Variants in SLC47A2 observed in about 807,000 individuals in gnomAD.
The protein encoded by SLC47A2 is multidrug and toxin extrusion protein 2.
A neutral mutation model predicts 67.7 loss-of-function variants in SLC47A2; 52 were observed. That is an observed-to-expected ratio of 0.77 (90% CI 0.61 to 0.97). The LOEUF is 0.97. Ranked by LOEUF, SLC47A2 falls within the 50% of genes least tolerant of loss-of-function variation. The probability of loss-of-function intolerance (pLI) is 0.00; values close to 1 mark genes in which losing one functional copy is unlikely to be tolerated. For synonymous variants in SLC47A2, 278 were observed against 292.9 expected, an observed-to-expected ratio of 0.95 and a Z score of 0.52; for missense variants, 676 against 712.3, an observed-to-expected ratio of 0.95 and a Z score of 0.58.
rs2086016420 is a variant in SLC47A2, at chr17:19,708,746, G to A, written c.501C>T (p.Tyr167=). ...TTTGCAAATATTTTGCCAGCAGATTGTAAAGAAAAATCACCTGTATGAAAA... is the reference window on the plus strand; with the variant it reads ...TTTGCAAATATTTTGCCAGCAGATTATAAAGAAAAATCACCTGTATGAAAA... ...FIPGLPVIFL[Y]NLLAKYLQNQ... The change falls in exon 6 of 17, where the codon TAC becomes TAT. Residue 167 remains tyrosine (Y), a synonymous_variant. Coordinates refer to ENST00000433844, the MANE Select transcript of SLC47A2 (RefSeq NM_001099646.3). 6.2e-7 allele frequency: 1 copy of A among 1,613,866 alleles called. No homozygotes were observed. Among genetic ancestry groups the A allele is most frequent in the Admixed American group, 1.7e-5 (1 of 60,000 alleles).
rs184296415 is a variant in SLC47A2 at position 19,711,010 on chromosome 17, T to C, written c.486+1693A>G. On this transcript the variant is annotated intron_variant, in intron 5 of 16. Transcript: ENST00000433844. Reference sequence around the variant, plus strand: ...TTTTAGTAGAGAAAGGGTTTCTCCATATTAGTCAGGCTGGTCTCAAACTCC... The same window carrying C: ...TTTTAGTAGAGAAAGGGTTTCTCCACATTAGTCAGGCTGGTCTCAAACTCC... Among the ~76,000 whole-genome samples, 1,272 of 150,910 alleles carry C rather than the reference T, an allele frequency of 8.4e-3. 15 individuals are homozygous for C. The highest frequency in any genetic ancestry group is 0.028 in the African/African-American group (1,169 of 41,110).
rs1285228008 is a variant in SLC47A2, at chr17:19,706,897, TTGCAGAGGGAA to T, written c.728-147_728-137del. On this transcript the variant is annotated intron_variant, in intron 8 of 16. Coordinates refer to ENST00000433844, the MANE Select transcript of SLC47A2 (RefSeq NM_001099646.3). ...TTAGCAGGCTCAGGCACTGGGCATT[TTGCAGAGGGAA>T]TGCAGCTGGTCTAGAGCTGGTGTTG... 6.4e-6 allele frequency: 4 copies of T among 625,184 alleles called. No individual in the cohort carries two copies. In the African/African-American group the frequency reaches 7.6e-5, roughly 12 times the overall value. The allele number at this position is 625,184 out of a possible 1,614,324, so 38.7% of individuals were successfully genotyped here. A position where few individuals can be genotyped will look rare whatever the true frequency, so the allele number is the denominator to read the frequency against.
intron 3 of SLC47A2, among the ~76,000 whole-genome samples, chr17:19,714,236 G>A (rs2086188984): frequency 1.3e-5 from 2 of 152,194 alleles, no homozygotes; most frequent in Admixed American, 1.3e-4. Flanking sequence ...AGGTTAAGTG[G>A]AGCCAGGACA....
intron 13 of SLC47A2, among the ~76,000 whole-genome samples, chr17:19,683,743 A>G (rs533292223): frequency 1.0e-3 from 155 of 152,316 alleles, no homozygotes; most frequent in African/African-American, 3.6e-3. Context: ...TAGCCCACAC[A>G]TGGATCTGTC....
chr17:19,712,617 G>A (rs953058909), intron 5 of SLC47A2, 86 bp downstream of exon 5: 99 of 1,413,900 alleles, frequency 7.0e-5, no homozygotes, highest in African/African-American at 2.8e-5. Flanking sequence ...GCAGGATAGG[G>A]ATCTTCCGCA....
chr17:19,694,915 C>CA (rs34430678), intron 13 of SLC47A2, among the ~76,000 whole-genome samples: 29,578 of 121,772 alleles, frequency 0.24, 3,461 homozygotes, highest in East Asian at 0.39. Context: ...GACTCCATCT[C>CA]AAAAAAAAAA....
At chr17:19,681,253 A>G (rs187151387) in intron 15 of SLC47A2, 114 bp downstream of exon 15, 24 of 814,086 alleles carry the variant, frequency 2.9e-5, no homozygotes, top group Middle Eastern at 3.7e-4. Context: ...TGCAGCTTAT[A>G]CCACACTGCT....
intron 13 of SLC47A2, among the ~76,000 whole-genome samples, chr17:19,697,624 G>A (rs1431761019): frequency 6.6e-6 from 1 of 152,034 alleles, no homozygotes; most frequent in African/African-American, 2.4e-5. Flanking sequence ...GCCTTGCTCT[G>A]TCACCCAGCC....
At position 19,681,696 on chromosome 17, in the gene SLC47A2, AGAGTC is replaced by A. The variant is rs1224845333; in HGVS notation, c.1165-31_1165-27del. The A allele has an allele frequency of 1.9e-6, 3 of 1,596,906 alleles. No homozygotes were observed. In the East Asian group the frequency reaches 6.7e-5, roughly 36 times the overall value. Reference sequence around the variant, plus strand: ...CTAGGAGGGGAGACAGAAATGGGCAAGAGTCAGGATGATGAGACTAAGAGCAGGTG... The same window carrying A: ...CTAGGAGGGGAGACAGAAATGGGCAAAGGATGATGAGACTAAGAGCAGGTG... On this transcript the variant is annotated intron_variant, in intron 13 of 16. Coordinates refer to ENST00000433844, the MANE Select transcript of SLC47A2 (RefSeq NM_001099646.3).
At chr17:19,712,362 G>A (rs2086123365) in intron 5 of SLC47A2, among the ~76,000 whole-genome samples, 1 of 152,098 alleles carries the variant, frequency 6.6e-6, no homozygotes, top group Non-Finnish European at 1.5e-5. Flanking sequence ...ACTCCAGCCT[G>A]GGTGACAGAG....
intron 13 of SLC47A2, among the ~76,000 whole-genome samples, chr17:19,695,237 G>C (rs1302809879): frequency 6.6e-6 from 1 of 151,994 alleles, no homozygotes; most frequent in African/African-American, 2.4e-5. Context: ...CTCACCACAA[G>C]AAAATTAGAA....
At chr17:19,679,591 T>C (rs1163777112) in intron 16 of SLC47A2, among the ~76,000 whole-genome samples, 2 of 152,148 alleles carry the variant, frequency 1.3e-5, no homozygotes, top group Non-Finnish European at 2.9e-5. Context: ...GTGGGGGAGA[T>C]CATGGGCTCT....
In SLC47A2 at chr17:19,712,581, C is replaced by A. The variant is rs865830362; in HGVS notation, c.486+122G>T. 131 of 995,328 alleles carry A rather than the reference C, an allele frequency of 1.3e-4. 2 individuals carry two copies. In the Middle Eastern group the frequency reaches 0.012, roughly 92 times the overall value. The allele number at this position is 995,328 out of a possible 1,614,324, so 61.7% of individuals were successfully genotyped here. A position where few individuals can be genotyped will look rare whatever the true frequency, so the allele number is the denominator to read the frequency against. On this transcript the variant is annotated intron_variant, in intron 5 of 16. Coordinates refer to ENST00000433844, the MANE Select transcript of SLC47A2 (RefSeq NM_001099646.3). ...CTGCAACGGGAACTTTTGTCAGTCA[C>A]CCTCATGGCCCAGCAGGAAGTCACA... is the stretch of plus-strand genomic sequence containing the variant.
chr17:19,703,937 G>T, intron 11 of SLC47A2, 133 bp downstream of exon 11: 1 of 633,952 alleles, frequency 1.6e-6, no homozygotes, highest in Non-Finnish European at 2.6e-6. Flanking sequence ...CAGATGGCAG[G>T]TCCAGCAGGC....
intron 8 of SLC47A2, 134 bp downstream of exon 8, chr17:19,707,612 G>C: frequency 1.4e-6 from 1 of 692,674 alleles, no homozygotes; most frequent in East Asian, 2.8e-5. Flanking sequence ...AGGGGAAGGA[G>C]GGGGCCGTGC....
intron 7 of SLC47A2, 87 bp from the exon 8 acceptor site, chr17:19,707,930 C>CCCCACACGGGCTGG: frequency 7.9e-7 from 1 of 1,265,688 alleles, no homozygotes; most frequent in Non-Finnish European, 1.1e-6. Flanking sequence ...TGGCGGCCAG[C>CCCCACACGGGCTGG]CCGTGTGGGG....
At chr17:19,681,291 T>G in intron 15 of SLC47A2, 76 bp downstream of exon 15, 1 of 1,248,348 alleles carries the variant, frequency 8.0e-7, no homozygotes, top group Non-Finnish European at 1.1e-6. Context: ...TCTGGGCATT[T>G]CTGGCTGAGT....
intron 13 of SLC47A2, among the ~76,000 whole-genome samples, chr17:19,693,129 C>CA (rs60534542): frequency 0.023 from 3,463 of 149,694 alleles, 68 homozygotes; most frequent in African/African-American, 0.053. Flanking sequence ...GACTCTGTCT[C>CA]AAAAAAAAAG....
At chr17:19,705,622 C>CCCTGTCTCA in intron 9 of SLC47A2, 119 bp from the exon 10 acceptor site, 2 of 887,590 alleles carry the variant, frequency 2.3e-6, no homozygotes, top group Non-Finnish European at 3.3e-6. Flanking sequence ...TTCCTTGAGA[C>CCCTGTCTCA]AGGGTCTCAC....
Sources: gnomAD v4.1 joint callset for allele counts (sites outside exome capture counted in the v4.1 genomes callset) on GRCh38, gnomAD v4.1.1 for gene constraint, MANE v1.5 for transcripts, NCBI Gene and HGNC (gene_info 2026-07-23, HGNC 2026-07-21) for gene names.